SHOC1: variants seen among roughly 807,000 people sequenced by gnomAD.
SHOC1 encodes shortage in chiasmata 1, also known as protein shortage in chiasmata 1 ortholog.
SHOC1 carries 136 observed loss-of-function variants against 179.2 expected under a neutral mutation model. The observed-to-expected ratio is 0.76, with a 90% CI of 0.66 to 0.87. The LOEUF (loss-of-function observed/expected upper bound fraction) is 0.87, where lower values mean the gene tolerates loss of function less well. Ranked by LOEUF, SHOC1 falls within the 40% of genes least tolerant of loss-of-function variation. The pLI is 0.00. For missense variants in SHOC1, 1,538 were observed against 1,700.8 expected, an observed-to-expected ratio of 0.90 and a Z score of 1.68; for synonymous variants, 489 against 586.6, an observed-to-expected ratio of 0.83 and a Z score of 2.41.
At chr9:111,745,090 G>A (rs138165083) in intron 10 of SHOC1, among the ~76,000 whole-genome samples, 28 of 152,284 alleles carry the variant, frequency 1.8e-4, no homozygotes, top group Non-Finnish European at 3.2e-4. Flanking sequence ...TTGACAAGAG[G>A]TGAACAAGGT....
chr9:111,689,998 C>T (rs1198658154), intron 27 of SHOC1, among the ~76,000 whole-genome samples: 1 of 152,142 alleles, frequency 6.6e-6, no homozygotes, highest in Non-Finnish European at 1.5e-5. Flanking sequence ...ATGAAATTTT[C>T]ATCCAGTTTA....
intron 7 of SHOC1, among the ~76,000 whole-genome samples, chr9:111,757,618 T>G (rs1480081322): frequency 6.6e-6 from 1 of 152,222 alleles, no homozygotes; most frequent in African/African-American, 2.4e-5. Context: ...TGTTAAACAC[T>G]GGCAGAAAAC....
intron 3 of SHOC1, among the ~76,000 whole-genome samples, chr9:111,785,228 T>C (rs1417018659): frequency 1.3e-5 from 2 of 152,160 alleles, no homozygotes; most frequent in African/African-American, 4.8e-5. Flanking sequence ...GAGAGACATT[T>C]CCCTAACTAT....
chr9:111,756,723 A>C (rs1834878491), intron 7 of SHOC1, among the ~76,000 whole-genome samples: 1 of 152,348 alleles, frequency 6.6e-6, no homozygotes, highest in African/African-American at 2.4e-5. Context: ...AGTGGTGTAC[A>C]ATATCCCTAG....
At chr9:111,782,719 AAAAAAC>A (rs937507224) in intron 3 of SHOC1, among the ~76,000 whole-genome samples, 11 of 152,262 alleles carry the variant, frequency 7.2e-5, no homozygotes, top group Non-Finnish European at 1.3e-4. Flanking sequence ...AGGTCTAAAA[AAAAAAC>A]AAAAACAAAA....
chr9:111,723,810 T>C lies in SHOC1; in HGVS notation c.1936A>G (p.Ile646Val). ...AACATACCTGACGCTTGAATTTCAA[T>C]GACACTATCTGTTCCCCTTTCCTGA... Reference protein sequence around the residue: ...INQERGTDSVIEIQASDSQCQ... With the variant: ...INQERGTDSVVEIQASDSQCQ... Residue 646 changes from isoleucine (I) to valine (V), a missense_variant, in exon 14 of 28, where the codon ATT becomes GTT. Ile to Val is a conservative substitution (Grantham distance 29). Coordinates refer to ENST00000682961, the MANE Select transcript of SHOC1 (RefSeq NM_001378211.1). The C allele has an allele frequency of 6.2e-7, 1 of 1,611,856 alleles. No individual in the cohort carries two copies.
chr9:111,698,843 G>C (rs886809091), intron 24 of SHOC1, among the ~76,000 whole-genome samples: 1 of 152,042 alleles, frequency 6.6e-6, no homozygotes, highest in Non-Finnish European at 1.5e-5. Flanking sequence ...AATCACTAAG[G>C]GCCACATTGT....
Position 111,736,492 on chromosome 9 carries a change from T to C in SHOC1, c.1417+1788A>G, listed in dbSNP as rs1049003023. ...GAACTCCCTATTCAATAAATGGTTC[T>C]GGGATAGCTGGCTAGCCATATACAG... On this transcript the variant is annotated intron_variant, in intron 12 of 27. Coordinates refer to ENST00000682961, the MANE Select transcript of SHOC1 (RefSeq NM_001378211.1). Among the ~76,000 whole-genome samples, 2 of 152,196 alleles carry C rather than the reference T, an allele frequency of 1.3e-5. 1 individual carries two copies. The highest frequency in any genetic ancestry group is 1.3e-4 in the Admixed American group (2 of 15,284).
chr9:111,771,455 T>C (rs965937381), intron 5 of SHOC1, among the ~76,000 whole-genome samples: 9 of 152,154 alleles, frequency 5.9e-5, no homozygotes, highest in Non-Finnish European at 7.4e-5. Context: ...TTCTCAGTAT[T>C]CTAGAGAATT....
At chr9:111,773,484 G>A (rs1452686707) in intron 5 of SHOC1, among the ~76,000 whole-genome samples, 2 of 151,868 alleles carry the variant, frequency 1.3e-5, no homozygotes, top group Non-Finnish European at 2.9e-5. Context: ...AGCTAATTTT[G>A]TATTTTTGGT....
intron 1 of SHOC1, among the ~76,000 whole-genome samples, 157 bp from the exon 2 acceptor site, chr9:111,791,611 T>C (rs1329878857): frequency 1.3e-5 from 2 of 152,158 alleles, no homozygotes; most frequent in Non-Finnish European, 2.9e-5. Flanking sequence ...AAATCTAATA[T>C]GAAAATAATG....
chr9:111,755,357 C>T (rs1034302158), intron 8 of SHOC1, among the ~76,000 whole-genome samples: 4 of 152,118 alleles, frequency 2.6e-5, no homozygotes, highest in African/African-American at 9.7e-5. Flanking sequence ...ACAGTAATTC[C>T]CTGATTTAGT....
intron 21 of SHOC1, 85 bp downstream of exon 21, chr9:111,705,162 A>AATATAT (rs72047905): frequency 1.7e-3 from 475 of 276,956 alleles, no homozygotes; most frequent in African/African-American, 5.6e-3. Flanking sequence ...AGCCTATCAG[A>AATATAT]ATATATATAC....
chr9:111,728,154 G>T, intron 12 of SHOC1, 105 bp from the exon 13 acceptor site: 1 of 795,412 alleles, frequency 1.3e-6, no homozygotes, highest in Non-Finnish European at 1.8e-6. Flanking sequence ...AATGTAATTT[G>T]ATCTTTATGA....
intron 2 of SHOC1, among the ~76,000 whole-genome samples, chr9:111,788,064 CTTT>C (rs35764341): frequency 2.4e-5 from 3 of 122,738 alleles, no homozygotes; most frequent in Admixed American, 9.7e-5. Context: ...ATAAACATAA[CTTT>C]TTTTTTTTTT....
intron 12 of SHOC1, among the ~76,000 whole-genome samples, chr9:111,730,460 T>C (rs367766362): frequency 2.0e-5 from 3 of 152,202 alleles, no homozygotes; most frequent in African/African-American, 7.2e-5. Context: ...AGAATGGATG[T>C]TGTGTTAGCA....
intron 5 of SHOC1, among the ~76,000 whole-genome samples, chr9:111,774,505 G>T (rs1198621312): frequency 1.3e-5 from 2 of 152,050 alleles, no homozygotes; most frequent in South Asian, 2.1e-4. Context: ...TTGCCATGTT[G>T]CCCAGGCTGG....
In SHOC1 at chr9:111,791,359, C is replaced by T. The variant is rs1045773536; in HGVS notation, c.45+15G>A. 2.1e-6 allele frequency: 3 copies of T among 1,412,728 alleles called. No homozygotes were observed. Among genetic ancestry groups the T allele is most frequent in the Admixed American group, 5.1e-5 (2 of 39,368 alleles). 87.5% of individuals were successfully genotyped at this position (1,412,728 alleles called of 1,614,324 possible). ...TAATTCTCAGTAAATAGACAGTAAGCCACTAACACTCTACCTCATATAAAT... is the reference window on the plus strand; with the variant it reads ...TAATTCTCAGTAAATAGACAGTAAGTCACTAACACTCTACCTCATATAAAT... On this transcript the variant is annotated intron_variant, in intron 2 of 27. Coordinates refer to ENST00000682961, the MANE Select transcript of SHOC1 (RefSeq NM_001378211.1).
rs915197799 is a variant in SHOC1, at chr9:111,691,976, G to C, written c.4001C>G (p.Ala1334Gly). ...INSQKRRTHE[A>G]KGFINKDVSD... ...TACATCTTTATTTATGAAACCTTTT[G>C]CTTCATGTGTTCTCCTTTTCTGAGA... The change falls in exon 27 of 28, where the codon GCA (alanine) becomes GGA (glycine). Residue 1334 changes from alanine to glycine, a missense_variant. Ala to Gly is a moderately conservative substitution (Grantham distance 60). Coordinates refer to ENST00000682961, the MANE Select transcript of SHOC1 (RefSeq NM_001378211.1). 4 of 1,613,386 alleles carry C rather than the reference G, an allele frequency of 2.5e-6. No individual in the cohort carries two copies. The African/African-American group carries it at 5.3e-5, about 22-fold the overall frequency.
Sources: gnomAD v4.1 joint callset for allele counts (sites outside exome capture counted in the v4.1 genomes callset) on GRCh38, gnomAD v4.1.1 for gene constraint, MANE v1.5 for transcripts, NCBI Gene and HGNC (gene_info 2026-07-23, HGNC 2026-07-21) for gene names.